The following SHISA9 variants were observed in gnomAD, a reference collection of about 807,000 sequenced individuals.
SHISA9 encodes shisa family member 9, also known as protein shisa-9.
In SHISA9, 13 loss-of-function variants were observed where a neutral mutation model predicts 38.0. The observed-to-expected ratio is 0.34, with a 90% confidence interval of 0.22 to 0.54. The LOEUF (loss-of-function observed/expected upper bound fraction) is 0.54, where lower values mean the gene tolerates loss of function less well. SHISA9 is among the 20% of genes least tolerant of loss of function. SHISA9 has a pLI of 0.91. For synonymous variants in SHISA9, 275 were observed against 242.0 expected (o/e 1.14, Z -1.27); for missense variants, 538 against 575.8 (o/e 0.93, Z 0.67).
At chr16:13,513,008 T>C in the SHISA9 span, among the ~76,000 whole-genome samples, 3 of 152,098 alleles carry the variant, frequency 2.0e-5, no homozygotes, top group African/African-American at 7.2e-5. Flanking sequence ...AATTGACAAA[T>C]GGGACCTAAT....
chr16:13,252,047 C>G, the SHISA9 span, among the ~76,000 whole-genome samples: 1 of 152,240 alleles, frequency 6.6e-6, no homozygotes, highest in Non-Finnish European at 1.5e-5. Flanking sequence ...TAAGACAGAT[C>G]ACAACGTTCT....
intron 2 of SHISA9, among the ~76,000 whole-genome samples, chr16:13,104,326 G>A (rs906505582): frequency 2.0e-5 from 3 of 152,016 alleles, no homozygotes; most frequent in African/African-American, 4.8e-5. Context: ...CTTACTATAC[G>A]ACCCAGCGAT....
chr16:12,974,478 G>GT (rs1300169846), intron 2 of SHISA9, among the ~76,000 whole-genome samples: 1 of 132,314 alleles, frequency 7.6e-6, no homozygotes, highest in African/African-American at 2.9e-5. Flanking sequence ...GATTTCTGGT[G>GT]GTTTTTTTTT....
At chr16:13,406,798 G>T in the SHISA9 span, among the ~76,000 whole-genome samples, 16 of 152,160 alleles carry the variant, frequency 1.1e-4, no homozygotes. Context: ...GTCGGGTGCG[G>T]TGGCTCATGC....
intron 2 of SHISA9, among the ~76,000 whole-genome samples, chr16:13,152,966 C>T (rs192389162): frequency 7.9e-5 from 12 of 152,164 alleles, no homozygotes; most frequent in Admixed American, 2.0e-4. Flanking sequence ...TAAATGTAGG[C>T]GAGGTAGGTA....
At chr16:13,008,141 T>C (rs770860692) in intron 2 of SHISA9, among the ~76,000 whole-genome samples, 3 of 152,198 alleles carry the variant, frequency 2.0e-5, no homozygotes, top group Non-Finnish European at 2.9e-5. Context: ...TTAAAAAATA[T>C]GTCAAATAAG....
intron 2 of SHISA9, among the ~76,000 whole-genome samples, chr16:13,019,873 TCCCTCCCTCCC>T (rs1567184001): frequency 1.2e-3 from 43 of 34,768 alleles, no homozygotes; most frequent in African/African-American, 3.9e-3. Context: ...CCTCCCTCCC[TCCCTCCCTCCC>T]TTCTTTCTTT....
chr16:12,970,393 A>ATATATACG (rs2072049504), intron 2 of SHISA9, among the ~76,000 whole-genome samples: 1 of 10,280 alleles, frequency 9.7e-5, no homozygotes, highest in African/African-American at 4.0e-4. Flanking sequence ...ATATATGTAT[A>ATATATACG]TATATATATA....
rs116810953 is a variant in SHISA9 at position 13,028,923 on chromosome 16, C to T, written c.691+112108C>T. Among the ~76,000 whole-genome samples the T allele has an allele frequency of 1.0e-3, 152 of 152,076 alleles. 1 individual carries two copies. Among genetic ancestry groups the T allele is most frequent in the African/African-American group, 3.6e-3 (150 of 41,472 alleles). ...AACTACATGGAGTGTGAGTGGGGGA[C>T]GAGTCCTTCCCTGAAGGAAAGTAAA... On this transcript the variant is annotated intron_variant, in intron 2 of 4. Coordinates refer to ENST00000558583, the MANE Select transcript of SHISA9 (RefSeq NM_001145204.3).
At chr16:12,906,823 G>C (rs1297601076) in intron 1 of SHISA9, among the ~76,000 whole-genome samples, 1 of 152,074 alleles carries the variant, frequency 6.6e-6, no homozygotes, top group Non-Finnish European at 1.5e-5. Context: ...CAAGATATTT[G>C]GCGGCGTCTC....
chr16:13,359,723 C>T, the SHISA9 span, among the ~76,000 whole-genome samples: 1 of 152,128 alleles, frequency 6.6e-6, no homozygotes, highest in Non-Finnish European at 1.5e-5. Flanking sequence ...TGGGTCACTT[C>T]TTTTTTCTAG....
At chr16:13,184,691 C>G (rs2050805856) in intron 2 of SHISA9, among the ~76,000 whole-genome samples, 1 of 152,160 alleles carries the variant, frequency 6.6e-6, no homozygotes, top group Non-Finnish European at 1.5e-5. Context: ...TCCACAATGT[C>G]TTATAAATTG....
chr16:13,181,267 TTATATA>T (rs1156705123), intron 2 of SHISA9, among the ~76,000 whole-genome samples: 1,533 of 79,610 alleles, frequency 0.019, 21 homozygotes, highest in Non-Finnish European at 0.023. Flanking sequence ...AAATAAAATT[TTATATA>T]TATATATATA....
At chr16:12,908,609 C>T in intron 1 of SHISA9, 1 of 1,551,432 alleles carries the variant, frequency 6.4e-7, no homozygotes, top group South Asian at 1.2e-5. Context: ...CGCTAGGCTG[C>T]ACTGCGTTTG....
chr16:13,008,641 CCCTCCCTCCCTCCCTCCCTCCCTT>C (rs745835956), intron 2 of SHISA9, among the ~76,000 whole-genome samples: 20 of 47,926 alleles, frequency 4.2e-4, no homozygotes, highest in African/African-American at 1.1e-3. Context: ...TCTCCTCCCT[CCCTCCCTCCCTCCCTCCCTCCCTT>C]CCTCCCTCCC....
At chr16:13,131,433 G>A (rs528401633) in intron 2 of SHISA9, among the ~76,000 whole-genome samples, 3 of 152,180 alleles carry the variant, frequency 2.0e-5, no homozygotes, top group East Asian at 1.9e-4. Flanking sequence ...TGGACACATG[G>A]CAGGGGTGGA....
the SHISA9 span, among the ~76,000 whole-genome samples, chr16:13,453,287 G>A: frequency 1.3e-5 from 2 of 152,152 alleles, no homozygotes; most frequent in African/African-American, 2.4e-5. Context: ...CTTTGGGATC[G>A]AGATACATTG....
the SHISA9 span, among the ~76,000 whole-genome samples, chr16:13,310,113 G>T: frequency 6.6e-6 from 1 of 152,070 alleles, no homozygotes; most frequent in Non-Finnish European, 1.5e-5. Flanking sequence ...GTCTTGAACT[G>T]CTGACCTCAG....
In SHISA9 at chr16:12,902,129, G is replaced by A; in HGVS notation, c.65G>A (p.Arg22Gln). Residue 22 changes from arginine to glutamine, a missense_variant, in exon 1 of 5, where the codon CGG becomes CAG. Around this residue, in one of 4 missense-constraint regions of SHISA9, gnomAD observed 107 missense variants for 103.0 expected, o/e 1.04. Coordinates refer to ENST00000558583, the MANE Select transcript of SHISA9 (RefSeq NM_001145204.3). Reference protein sequence around the residue: ...FLTELCARVCRAQERAGHGQL... With the variant: ...FLTELCARVCQAQERAGHGQL... ...ACCGAGCTGTGCGCCCGCGTGTGCC[G>A]GGCGCAGGAGCGAGCGGGACACGGG... 2 of 1,499,434 alleles carry A rather than the reference G, an allele frequency of 1.3e-6. No individual in the cohort carries two copies. Among genetic ancestry groups the A allele is most frequent in the Non-Finnish European group, 1.8e-6 (2 of 1,132,998 alleles). 92.9% of individuals were successfully genotyped at this position (1,499,434 alleles called of 1,614,324 possible).
Sources: allele counts gnomAD v4.1 joint callset (sites outside exome capture counted in the v4.1 genomes callset), GRCh38; gene constraint gnomAD v4.1.1; regional missense constraint gnomAD v4.1.1; transcripts MANE v1.5; gene names NCBI Gene and HGNC (gene_info 2026-07-23, HGNC 2026-07-21).